NPFFR2: variants seen among roughly 807,000 people sequenced by gnomAD.
The protein encoded by NPFFR2 is G-protein coupled receptor 74.
In NPFFR2, 15 loss-of-function variants were observed where a neutral mutation model predicts 13.1. The observed-to-expected ratio is 1.15, with a 90% CI of 0.77 to 1.76. The LOEUF (loss-of-function observed/expected upper bound fraction) is 1.76, where lower values mean the gene tolerates loss of function less well. Ranked by LOEUF, NPFFR2 falls within the 40% of genes most tolerant of loss-of-function variation. The pLI, the probability that NPFFR2 is intolerant of heterozygous loss-of-function variation, is 0.00. For missense variants in NPFFR2, 572 were observed against 503.5 expected (o/e 1.14, Z -1.30); for synonymous variants, 190 against 175.7 (o/e 1.08, Z -0.65).
intron 1 of NPFFR2, among the ~76,000 whole-genome samples, chr4:72,083,836 T>C (rs1720696093): frequency 1.3e-5 from 2 of 152,176 alleles, no homozygotes; most frequent in Admixed American, 1.3e-4. Flanking sequence ...GCATCTTATA[T>C]TTAGTACGGC....
intron 1 of NPFFR2, among the ~76,000 whole-genome samples, chr4:72,038,681 A>T (rs1370282737): frequency 6.6e-6 from 1 of 152,100 alleles, no homozygotes; most frequent in Non-Finnish European, 1.5e-5. Flanking sequence ...TTCAAAGAAT[A>T]ATCTGGATCT....
Position 72,138,073 on chromosome 4 carries a change from G to T in NPFFR2, c.362G>T (p.Ser121Ile), listed in dbSNP as rs572057389. The T allele has an allele frequency of 6.2e-7, 1 of 1,613,736 alleles. No homozygotes were observed. Among genetic ancestry groups the T allele is most frequent in the South Asian group, 1.1e-5 (1 of 91,066 alleles). The change falls in exon 3 of 4, where the codon AGT becomes ATT. Residue 121 changes from serine to isoleucine, a missense_variant. Transcript: ENST00000308744. ...TTTGGAAACACGATGTGCAAGATCA[G>T]TGGATTGGTCCAGGGAATATCTGTC... ...WPFGNTMCKI[S>I]GLVQGISVAA...
chr4:72,097,339 T>C (rs1468859898), intron 1 of NPFFR2, among the ~76,000 whole-genome samples: 1 of 152,100 alleles, frequency 6.6e-6, no homozygotes, highest in African/African-American at 2.4e-5. Context: ...TATGTCAGTG[T>C]TTTATAGTTT....
At chr4:72,048,108 C>T (rs1195348966) in intron 1 of NPFFR2, among the ~76,000 whole-genome samples, 1 of 152,002 alleles carries the variant, frequency 6.6e-6, no homozygotes, top group African/African-American at 2.4e-5. Context: ...ATGTATAGGT[C>T]ATCTCCCTGC....
At chr4:72,131,010 G>C (rs185315649) in intron 2 of NPFFR2, among the ~76,000 whole-genome samples, 1 of 152,054 alleles carries the variant, frequency 6.6e-6, no homozygotes, top group Non-Finnish European at 1.5e-5. Context: ...ATGGTCCCTG[G>C]TTGAACTCCT....
intron 1 of NPFFR2, among the ~76,000 whole-genome samples, chr4:72,123,662 C>A (rs1346679896): frequency 6.6e-6 from 1 of 152,110 alleles, no homozygotes; most frequent in Non-Finnish European, 1.5e-5. Context: ...ATCACAAAAA[C>A]CACATGATTA....
intron 1 of NPFFR2, among the ~76,000 whole-genome samples, chr4:72,069,871 TA>T (rs977412507): frequency 5.3e-5 from 8 of 152,200 alleles, no homozygotes; most frequent in Admixed American, 3.3e-4. Context: ...TTGGTAAATA[TA>T]AAAAAATTGA....
rs552221525 is a variant in NPFFR2, at chr4:72,148,268, T to C, written c.*456T>C. Among the ~76,000 whole-genome samples, 1 of 152,366 alleles carries C rather than the reference T, an allele frequency of 6.6e-6. No individual in the cohort carries two copies. Among genetic ancestry groups the C allele is most frequent in the East Asian group, 1.9e-4 (1 of 5,186 alleles). ...TTACTCTGCTTATGTTTATAAACTG[T>C]ACTTGGTTTTCTAAGAAATACATTC... On this transcript the variant is annotated 3_prime_UTR_variant, in exon 4 of 4. Transcript: ENST00000308744.
chr4:72,133,656 A>G (rs188702200), intron 2 of NPFFR2, among the ~76,000 whole-genome samples: 1 of 152,026 alleles, frequency 6.6e-6, no homozygotes, highest in Admixed American at 6.5e-5. Context: ...GTGTTTTTCT[A>G]TTTGTTTGTG....
In NPFFR2 at chr4:72,147,491, C is replaced by T; in HGVS notation, c.942C>T (p.Ile314=). Residue 314 remains isoleucine (I), a synonymous_variant, in exon 4 of 4, where the codon ATC becomes ATT. Coordinates refer to ENST00000308744, the MANE Select transcript of NPFFR2 (RefSeq NM_004885.3). Reference sequence around the variant, plus strand: ...AACTGCAGATCATCAACATCTACATCTACCCTTTTGCACACTGGCTGGCAT... The same window carrying T: ...AACTGCAGATCATCAACATCTACATTTACCCTTTTGCACACTGGCTGGCAT... ...PNELQIINIY[I]YPFAHWLAFG... 1 of 1,614,244 alleles carries T rather than the reference C, an allele frequency of 6.2e-7. No homozygotes were observed. Among genetic ancestry groups the T allele is most frequent in the Non-Finnish European group, 8.5e-7 (1 of 1,180,052 alleles).
At chr4:72,061,183 T>C (rs4435712) in intron 1 of NPFFR2, among the ~76,000 whole-genome samples, 132,702 of 152,130 alleles carry the variant, frequency 0.87, 59,409 homozygotes, top group Non-Finnish European at 0.98. Flanking sequence ...GCAAAGCACC[T>C]GGAGGCTAGT....
chr4:72,032,695 G>A (rs899114345), intron 1 of NPFFR2, among the ~76,000 whole-genome samples: 1 of 152,170 alleles, frequency 6.6e-6, no homozygotes, highest in African/African-American at 2.4e-5. Context: ...CTTATTGAAG[G>A]CGTTTGGAGA....
rs541843673 is a variant in NPFFR2, at chr4:72,050,581, A to C, written c.-8+18381A>C. 5.3e-5 allele frequency among the ~76,000 whole-genome samples: 8 copies of C among 152,146 alleles called. 1 individual carries two copies. The highest frequency in any genetic ancestry group is 4.6e-4 in the Admixed American group (7 of 15,268). On this transcript the variant is annotated intron_variant, in intron 1 of 3. Transcript: ENST00000308744. ...CAAATAGCAGGCCCTGAAGGAAAGCAACATGTTTTACCTCAAAATACATTT... is the reference window on the plus strand; with the variant it reads ...CAAATAGCAGGCCCTGAAGGAAAGCCACATGTTTTACCTCAAAATACATTT...
intron 1 of NPFFR2, among the ~76,000 whole-genome samples, chr4:72,115,546 T>C (rs1394980164): frequency 3.9e-5 from 6 of 152,144 alleles, no homozygotes; most frequent in Non-Finnish European, 8.8e-5. Context: ...GTGGGTACTA[T>C]TGGGTTCAGC....
chr4:72,099,561 A>G (rs2109808637), intron 1 of NPFFR2, among the ~76,000 whole-genome samples: 1 of 152,150 alleles, frequency 6.6e-6, no homozygotes. Context: ...TCACATGGTG[A>G]GACCAGGAGC....
chr4:72,070,020 A>G (rs1373194743), intron 1 of NPFFR2, among the ~76,000 whole-genome samples: 1 of 152,172 alleles, frequency 6.6e-6, no homozygotes, highest in Non-Finnish European at 1.5e-5. Flanking sequence ...AGTCTAATAT[A>G]TCAATACTGG....
chr4:72,042,878 A>G (rs1245001782), intron 1 of NPFFR2, among the ~76,000 whole-genome samples: 1 of 152,244 alleles, frequency 6.6e-6, no homozygotes, highest in Non-Finnish European at 1.5e-5. Flanking sequence ...AGAAATTTTC[A>G]TAAGTAACGA....
intron 1 of NPFFR2, among the ~76,000 whole-genome samples, chr4:72,041,672 CTT>C (rs1719223169): frequency 6.6e-6 from 1 of 152,110 alleles, no homozygotes; most frequent in Non-Finnish European, 1.5e-5. Context: ...TCTTTTTAGA[CTT>C]TTTAGTAATA....
chr4:72,105,930 T>A (rs773479357), intron 1 of NPFFR2, among the ~76,000 whole-genome samples: 3 of 152,024 alleles, frequency 2.0e-5, no homozygotes, highest in Non-Finnish European at 4.4e-5. Context: ...TAGTTTCAGC[T>A]AAAGCCCCAA....
Sources: gnomAD v4.1 joint callset for allele counts (sites outside exome capture counted in the v4.1 genomes callset) on GRCh38, gnomAD v4.1.1 for gene constraint, MANE v1.5 for transcripts, NCBI Gene and HGNC (gene_info 2026-07-23, HGNC 2026-07-21) for gene names.